Variants in ENTREP2 observed in about 807,000 individuals in gnomAD.
The protein encoded by ENTREP2 is protein ENTREP2.
chr15:29,504,214 T>A, the ENTREP2 span, among the ~76,000 whole-genome samples: 1 of 152,148 alleles, frequency 6.6e-6, no homozygotes, highest in Admixed American at 6.6e-5. Context: ...CTGCAGCATG[T>A]TGTAAAGGCA....
At chr15:29,340,420 G>T in the ENTREP2 span, among the ~76,000 whole-genome samples, 1 of 152,166 alleles carries the variant, frequency 6.6e-6, no homozygotes, top group South Asian at 2.1e-4. Flanking sequence ...AAGTTCTACA[G>T]CAGGGAGGGT....
chr15:29,287,400 A>AAAAAAAAAAAAAG, the ENTREP2 span, among the ~76,000 whole-genome samples: 3 of 91,450 alleles, frequency 3.3e-5, no homozygotes, highest in Non-Finnish European at 5.7e-5. Context: ...AAAAAAAAGA[A>AAAAAAAAAAAAAG]AAAAAAAAAA....
the ENTREP2 span, among the ~76,000 whole-genome samples, chr15:29,458,423 AC>A: frequency 6.6e-6 from 1 of 152,180 alleles, no homozygotes; most frequent in Non-Finnish European, 1.5e-5. Context: ...GCCCAGGCAA[AC>A]TGACACATAA....
chr15:29,438,204 C>G, the ENTREP2 span, among the ~76,000 whole-genome samples: 13 of 152,152 alleles, frequency 8.5e-5, no homozygotes, highest in African/African-American at 3.1e-4. Flanking sequence ...ATGGAGATCA[C>G]AGAAATAATG....
At chr15:29,497,804 C>T in the ENTREP2 span, among the ~76,000 whole-genome samples, 1 of 151,148 alleles carries the variant, frequency 6.6e-6, no homozygotes, top group Non-Finnish European at 1.5e-5. Flanking sequence ...TTTACTATAT[C>T]CTTCCTTCTG....
chr15:29,417,497 G>A, the ENTREP2 span, among the ~76,000 whole-genome samples: 2 of 152,276 alleles, frequency 1.3e-5, no homozygotes, highest in Admixed American at 6.5e-5. Flanking sequence ...CTGCTGTGGG[G>A]TTAGGGGAGC....
chr15:29,193,796 C>T, the ENTREP2 span, among the ~76,000 whole-genome samples: 1 of 152,094 alleles, frequency 6.6e-6, no homozygotes, highest in Admixed American at 6.5e-5. Flanking sequence ...TAGTCAAGAC[C>T]ACAGGATACA....
the ENTREP2 span, among the ~76,000 whole-genome samples, chr15:29,490,382 C>G: frequency 2.0e-5 from 3 of 151,768 alleles, no homozygotes; most frequent in African/African-American, 7.3e-5. Context: ...AACAAAACCT[C>G]CACAACATGG....
the ENTREP2 span, among the ~76,000 whole-genome samples, chr15:29,223,975 C>G: frequency 6.6e-6 from 1 of 152,220 alleles, no homozygotes; most frequent in Non-Finnish European, 1.5e-5. Context: ...AGCTCCACCT[C>G]TGTACTCAGA....
the ENTREP2 span, among the ~76,000 whole-genome samples, chr15:29,412,234 G>C: frequency 6.6e-6 from 1 of 151,260 alleles, no homozygotes; most frequent in African/African-American, 2.4e-5. Context: ...ATTTATTTAG[G>C]TTTTATTTAA....
At chr15:29,138,319 A>G in the ENTREP2 span, among the ~76,000 whole-genome samples, 1 of 152,134 alleles carries the variant, frequency 6.6e-6, no homozygotes, top group Non-Finnish European at 1.5e-5. Flanking sequence ...CTAACCAACA[A>G]CCAACTGCTT....
At chr15:29,435,709 A>G in the ENTREP2 span, among the ~76,000 whole-genome samples, 14 of 150,688 alleles carry the variant, frequency 9.3e-5, no homozygotes, top group Non-Finnish European at 2.1e-4. Flanking sequence ...TATATACAAT[A>G]TGTGTGTGTG....
chr15:29,350,391 T>C, the ENTREP2 span, among the ~76,000 whole-genome samples: 1 of 152,208 alleles, frequency 6.6e-6, no homozygotes, highest in Non-Finnish European at 1.5e-5. Context: ...TTGTAATCAA[T>C]AACAGGTGTA....
chr15:29,559,095 T>C, the ENTREP2 span, among the ~76,000 whole-genome samples: 50 of 152,228 alleles, frequency 3.3e-4, no homozygotes, highest in African/African-American at 1.1e-3. Context: ...GGACAAGACG[T>C]AGTACCCATT....
chr15:29,194,652 G>C, the ENTREP2 span, among the ~76,000 whole-genome samples: 6 of 152,166 alleles, frequency 3.9e-5, no homozygotes, highest in South Asian at 1.2e-3. Flanking sequence ...TACCAGAACA[G>C]TGAATAAGAG....
At chr15:29,283,605 C>A in the ENTREP2 span, among the ~76,000 whole-genome samples, 9 of 152,166 alleles carry the variant, frequency 5.9e-5, no homozygotes, top group Non-Finnish European at 1.3e-4. Context: ...ACTCCACACC[C>A]ACCAAAACAA....
chr15:29,134,231 T>TAA, the ENTREP2 span, among the ~76,000 whole-genome samples: 1 of 152,354 alleles, frequency 6.6e-6, no homozygotes, highest in East Asian at 1.9e-4. Flanking sequence ...CTCAGCTTTA[T>TAA]AAAAACACCT....
the ENTREP2 span, among the ~76,000 whole-genome samples, chr15:29,615,627 A>G: frequency 6.6e-6 from 1 of 152,006 alleles, no homozygotes; most frequent in African/African-American, 2.4e-5. Context: ...CCCCCACCTA[A>G]ATGTTTGAGT....
At chr15:29,199,859 C>T in the ENTREP2 span, among the ~76,000 whole-genome samples, 50 of 152,244 alleles carry the variant, frequency 3.3e-4, no homozygotes, top group East Asian at 9.6e-3. Context: ...TTTATTTTTA[C>T]ATTTGATTGC....
Sources: gnomAD v4.1 joint callset for allele counts (sites outside exome capture counted in the v4.1 genomes callset) on GRCh38, gnomAD v4.1.1 for gene constraint, MANE v1.5 for transcripts, NCBI Gene and HGNC (gene_info 2026-07-23, HGNC 2026-07-21) for gene names.